The following RIF1 variants were observed in gnomAD, a reference collection of about 807,000 sequenced individuals.
The protein encoded by RIF1 is replication timing regulatory factor 1.
In RIF1, 45 loss-of-function variants were observed where a neutral mutation model predicts 247.1. The ratio of observed to expected loss-of-function variants is 0.18; its 90% CI spans 0.14 to 0.23. The LOEUF (loss-of-function observed/expected upper bound fraction) is 0.23. RIF1 is among the 10% of genes least tolerant of loss of function. The pLI, the probability that RIF1 is intolerant of heterozygous loss-of-function variation, is 1.00. For missense variants in RIF1, 2,967 were observed against 2,862.5 expected (o/e 1.04, Z -0.83); for synonymous variants, 1,087 against 978.8 (o/e 1.11, Z -2.06).
chr2:151,437,183 G>T, intron 12 of RIF1, 58 bp from the exon 13 acceptor site: 1 of 1,396,306 alleles, frequency 7.2e-7, no homozygotes, highest in Non-Finnish European at 1.0e-6. Flanking sequence ...TTTATAGTGA[G>T]AAATGTATTT....
Position 151,436,847 on chromosome 2 carries a change from G to A in RIF1, c.1216G>A (p.Ala406Thr). ...VHKGASSPYG[A>T]PGTPRMNLSS... ...TAAAGGTGCTTCCTCCCCGTACGGA[G>A]CCCCGGGAACTCCCCGAATGAACCT... Residue 406 changes from alanine (A) to threonine (T), a missense_variant, in exon 12 of 36, where the codon GCC (alanine) becomes ACC (threonine). Ala to Thr is a moderately conservative substitution (Grantham distance 58). Transcript: ENST00000444746. 1 of 1,604,736 alleles carries A rather than the reference G, an allele frequency of 6.2e-7. No individual in the cohort carries two copies. The highest frequency in any genetic ancestry group is 8.5e-7 in the Non-Finnish European group (1 of 1,176,000).
chr2:151,471,470 C>A (rs1010345458), intron 34 of RIF1, among the ~76,000 whole-genome samples: 1 of 152,118 alleles, frequency 6.6e-6, no homozygotes, highest in African/African-American at 2.4e-5. Context: ...ATGGTATTGC[C>A]AAGGTTTTCT....
intron 3 of RIF1, among the ~76,000 whole-genome samples, chr2:151,411,587 G>A (rs921938138): frequency 1.3e-5 from 2 of 152,098 alleles, no homozygotes; most frequent in African/African-American, 2.4e-5. Flanking sequence ...TTTTAGTAGA[G>A]AAGGGGTTTC....
Position 151,466,104 on chromosome 2 carries a change from C to T in RIF1, c.6584C>T (p.Ser2195Leu). The T allele has an allele frequency of 1.9e-6, 3 of 1,581,370 alleles. No homozygotes were observed. Among genetic ancestry groups the T allele is most frequent in the Non-Finnish European group, 2.6e-6 (3 of 1,159,518 alleles). The change falls in exon 30 of 36, where the codon TCA becomes TTA. Residue 2195 changes from serine to leucine, a missense_variant. Coordinates refer to ENST00000444746, the MANE Select transcript of RIF1 (RefSeq NM_018151.5). ...AAAAGATCCCAAGAAGATGAAATCT[C>T]ATCACCTGTTAATAAGGTAAGGGGA... ...GLKRSQEDEISSPVNKVRRVS... is the reference protein window; with the variant it reads ...GLKRSQEDEILSPVNKVRRVS...
intron 9 of RIF1, chr2:151,491,521 TA>T: frequency 1.7e-6 from 1 of 588,952 alleles, no homozygotes; most frequent in Non-Finnish European, 3.0e-6. Flanking sequence ...ATCTAGAAAG[TA>T]AGTTTTGCTC....
intron 23 of RIF1, among the ~76,000 whole-genome samples, chr2:151,457,132 A>G (rs1193309708): frequency 1.3e-5 from 2 of 150,660 alleles, no homozygotes; most frequent in Non-Finnish European, 3.0e-5. Context: ...CATGTTAAGT[A>G]ATGAACTTTT....
the RIF1 span, chr2:151,531,170 A>G: frequency 9.4e-6 from 10 of 1,061,122 alleles, no homozygotes; most frequent in South Asian, 4.1e-5. Context: ...ATATAAATGC[A>G]AAGTTTTTTC....
chr2:151,430,466 C>T (rs1031110414), intron 9 of RIF1, among the ~76,000 whole-genome samples: 3 of 151,996 alleles, frequency 2.0e-5, no homozygotes, highest in African/African-American at 7.3e-5. Flanking sequence ...GGATGACAGG[C>T]GCCCGCTGCC....
chr2:151,419,170 A>AAGG (rs2152137915), intron 6 of RIF1, among the ~76,000 whole-genome samples: 1 of 152,102 alleles, frequency 6.6e-6, no homozygotes, highest in South Asian at 2.1e-4. Context: ...GTATCTGCTG[A>AAGG]AGGACCCTCA....
In RIF1 at chr2:151,507,237, C is replaced by A. The variant is rs143508594; in HGVS notation, c.*1028-492C>A. The A allele has an allele frequency of 4.6e-3, 2,100 of 453,190 alleles. 13 individuals are homozygous for A. Among genetic ancestry groups the A allele is most frequent in the South Asian group, 0.017 (596 of 35,902 alleles). The allele number at this position is 453,190 out of a possible 1,614,324, so 28.1% of individuals were successfully genotyped here. A position where few individuals can be genotyped will look rare whatever the true frequency, so the allele number is the denominator to read the frequency against. On this transcript the variant is annotated intron_variant and NMD_transcript_variant, in intron 13 of 13. Transcript: ENST00000454583. The stretch of plus-strand genomic sequence containing the variant: ...TAGGGGTTTGTTTTTGTTTAAGTAT[C>A]CCTTGCTTAGTAGATTTAACTTTGA...
intron 9 of RIF1, among the ~76,000 whole-genome samples, chr2:151,432,480 GAATCT>G (rs1690346602): frequency 6.6e-6 from 1 of 152,134 alleles, no homozygotes; most frequent in South Asian, 2.1e-4. Context: ...GAATCTAAAT[GAATCT>G]ATTTAGATTT....
chr2:151,419,360 T>G (rs1157506951), intron 6 of RIF1, among the ~76,000 whole-genome samples: 1 of 152,134 alleles, frequency 6.6e-6, no homozygotes, highest in Admixed American at 6.6e-5. Context: ...GGAATCTTGC[T>G]CTGTCACCAG....
At chr2:151,524,247 T>A in the RIF1 span, 29 of 1,364,864 alleles carry the variant, frequency 2.1e-5, no homozygotes, top group East Asian at 6.4e-4. Flanking sequence ...GGAAATCACT[T>A]CTTCCTGCAA....
rs950119991 is a variant in RIF1 at position 151,479,320 on chromosome 2, G to A, written c.*4249G>A. 2.0e-5 allele frequency: 3 copies of A among 152,182 alleles called. No individual in the cohort carries two copies. Among genetic ancestry groups the A allele is most frequent in the Admixed American group, 6.5e-5 (1 of 15,276 alleles). The allele number at this position is 152,182 out of a possible 1,614,324, so 9.4% of individuals were successfully genotyped here. A position where few individuals can be genotyped will look rare whatever the true frequency, so the allele number is the denominator to read the frequency against. The stretch of plus-strand genomic sequence containing the variant: ...AAAATATGGACGATTTATTTTTTAA[G>A]TAGGCAGACTAAGAATTTCAAGTTA... On this transcript the variant is annotated 3_prime_UTR_variant, in exon 36 of 36. Coordinates refer to ENST00000444746, the MANE Select transcript of RIF1 (RefSeq NM_018151.5).
downstream of RIF1, chr2:151,485,865 A>T: frequency 6.2e-7 from 1 of 1,614,028 alleles, no homozygotes; most frequent in Middle Eastern, 1.7e-4. Flanking sequence ...TTATGATGGC[A>T]TCTCCATCCT....
At position 151,422,991 on chromosome 2, in the gene RIF1, T is replaced by C. The variant is rs774434287; in HGVS notation, c.735T>C (p.Asn245=). Residue 245 remains asparagine, a synonymous_variant, in exon 8 of 36, where the codon AAT becomes AAC. Transcript: ENST00000444746. ...SELQKLFMSK[N]ETYVLKLWPL... is the part of the protein sequence containing the mutation. ...TTCAGAAGCTATTTATGAGTAAAAA[T>C]GAGACTTACGTGTTAAAATTATGGC... The C allele has an allele frequency of 4.4e-6, 7 of 1,599,276 alleles. No individual in the cohort carries two copies. Among genetic ancestry groups the C allele is most frequent in the Non-Finnish European group, 6.0e-6 (7 of 1,168,716 alleles).
chr2:151,443,368 G>C (rs1009096469), intron 17 of RIF1, 39 bp downstream of exon 17: 2 of 1,410,694 alleles, frequency 1.4e-6, no homozygotes, highest in African/African-American at 2.9e-5. Flanking sequence ...GTCTTGGAAA[G>C]GTTATGTAAT....
At chr2:151,466,763 A>G (rs139512501) in intron 30 of RIF1, among the ~76,000 whole-genome samples, 9 of 152,388 alleles carry the variant, frequency 5.9e-5, no homozygotes, top group East Asian at 1.9e-4. Flanking sequence ...ACGTAACTCA[A>G]CTTGTCTTAT....
Position 151,489,105 on chromosome 2 carries a change from G to A in RIF1, c.*415+5770G>A, listed in dbSNP as rs887044702. Among the ~76,000 whole-genome samples, 131 of 152,056 alleles carry A rather than the reference G, an allele frequency of 8.6e-4. 1 individual carries two copies. Among genetic ancestry groups the A allele is most frequent in the Non-Finnish European group, 7.5e-4 (51 of 68,004 alleles). ...GAATTGAATGCATTGGTTTATTTCA[G>A]GGAAAATTAGAACTTTACAGTATTC... On this transcript the variant is annotated intron_variant and NMD_transcript_variant, in intron 9 of 13. Transcript: ENST00000454583.
Sources: allele counts gnomAD v4.1 joint callset (sites outside exome capture counted in the v4.1 genomes callset), GRCh38; gene constraint gnomAD v4.1.1; transcripts MANE v1.5; gene names NCBI Gene and HGNC (gene_info 2026-07-23, HGNC 2026-07-21).